Variants in KATNA1 observed in about 807,000 individuals in gnomAD.
KATNA1 encodes the protein katanin p60 ATPase-containing subunit A1.
In KATNA1, 42 loss-of-function variants were observed where a neutral mutation model predicts 62.6. The ratio of observed to expected loss-of-function variants is 0.67; its 90% CI spans 0.52 to 0.87. KATNA1 has a LOEUF of 0.87. Among genes scored for constraint, KATNA1 ranks in the 40% least tolerant of loss-of-function variants. KATNA1 has a pLI of 0.00. For missense variants in KATNA1, 498 were observed against 612.5 expected (o/e 0.81, Z 1.97); for synonymous variants, 186 against 201.9 (o/e 0.92, Z 0.67).
chr6:149,634,944 T>C (rs1365739157), intron 2 of KATNA1, among the ~76,000 whole-genome samples: 3 of 150,804 alleles, frequency 2.0e-5, no homozygotes, highest in African/African-American at 7.3e-5. Flanking sequence ...AAGCAGTCTT[T>C]TTTTTTTTTT....
At chr6:149,611,895 G>A (rs540910488) in intron 4 of KATNA1, among the ~76,000 whole-genome samples, 1 of 152,174 alleles carries the variant, frequency 6.6e-6, no homozygotes, top group East Asian at 1.9e-4. Context: ...GCTACTCAGG[G>A]AGGCTGAGGC....
At chr6:149,615,430 C>G (rs973072972) in intron 4 of KATNA1, among the ~76,000 whole-genome samples, 13 of 151,928 alleles carry the variant, frequency 8.6e-5, no homozygotes, top group African/African-American at 3.1e-4. Context: ...GTCTCGAACT[C>G]CTGAGCTCAG....
chr6:149,604,782 TC>T lies in KATNA1; in HGVS notation c.502-1del. 1.2e-6 allele frequency: 2 copies of T among 1,612,436 alleles called. No individual in the cohort carries two copies. Among genetic ancestry groups the T allele is most frequent in the Non-Finnish European group, 1.7e-6 (2 of 1,179,614 alleles). On this transcript the variant is annotated splice_acceptor_variant, in intron 4 of 10. Transcript: ENST00000367411. LOFTEE classifies it high-confidence loss of function. ...TCTGTTACTGCAGCAGGTGATTTGT[TC>T]TACATGAAGAGAAAAAAACAAGCGC...
chr6:149,632,884 A>G lies in KATNA1; in HGVS notation c.195T>C (p.His65=), dbSNP rs762213865. The G allele has an allele frequency of 1.1e-5, 18 of 1,608,396 alleles. No individual in the cohort carries two copies. In the Admixed American group the frequency reaches 2.8e-4, roughly 25 times the overall value. ...VWQEINVEAK[H]VKDIMKTLES... ...CTAGTGTTTTCATGATATCTTTAAC[A>G]TGTTTAGCTTCCACATTTATTTCCT... The change falls in exon 3 of 11, where the codon CAT becomes CAC. Residue 65 remains histidine, a synonymous_variant. Coordinates refer to ENST00000367411, the MANE Select transcript of KATNA1 (RefSeq NM_007044.4).
chr6:149,597,026 T>C, intron 10 of KATNA1, 37 bp downstream of exon 10: 1 of 1,605,570 alleles, frequency 6.2e-7, no homozygotes, highest in South Asian at 1.1e-5. Context: ...TAGAAGTTTA[T>C]GCTTACAAAA....
intron 2 of KATNA1, among the ~76,000 whole-genome samples, chr6:149,635,524 G>A (rs1013841727): frequency 4.0e-5 from 6 of 151,322 alleles, no homozygotes; most frequent in African/African-American, 1.5e-4. Context: ...TGGCCAACAT[G>A]GCAAAAACCC....
rs576340862 is a variant in KATNA1, at chr6:149,604,786, C to T, written c.502-4G>A. On this transcript the variant is annotated splice_polypyrimidine_tract_variant and splice_region_variant and intron_variant, in intron 4 of 10. Coordinates refer to ENST00000367411, the MANE Select transcript of KATNA1 (RefSeq NM_007044.4). ...TTACTGCAGCAGGTGATTTGTTCTA[C>T]ATGAAGAGAAAAAAACAAGCGCTTT... is the stretch of plus-strand genomic sequence containing the variant. 1.0e-5 allele frequency: 16 copies of T among 1,607,186 alleles called. No individual in the cohort carries two copies. The highest frequency in any genetic ancestry group is 8.1e-5 in the African/African-American group (6 of 74,302).
At chr6:149,605,809 C>T (rs1778715044) in intron 4 of KATNA1, among the ~76,000 whole-genome samples, 1 of 152,082 alleles carries the variant, frequency 6.6e-6, no homozygotes, top group Non-Finnish European at 1.5e-5. Flanking sequence ...CACTCTGTCG[C>T]CCAGGCTAGA....
At chr6:149,625,151 TA>T (rs1194957597) in intron 3 of KATNA1, among the ~76,000 whole-genome samples, 1 of 152,180 alleles carries the variant, frequency 6.6e-6, no homozygotes, top group Non-Finnish European at 1.5e-5. Flanking sequence ...GCTTAGCTTT[TA>T]GCTAACTGCC....
chr6:149,640,871 T>G (rs1386164148), intron 1 of KATNA1, among the ~76,000 whole-genome samples: 3 of 147,542 alleles, frequency 2.0e-5, no homozygotes, highest in East Asian at 4.1e-4. Flanking sequence ...TGTTGTTGTT[T>G]TTGTTTTTGT....
chr6:149,626,556 A>G (rs1161557011), intron 3 of KATNA1, among the ~76,000 whole-genome samples: 3 of 150,352 alleles, frequency 2.0e-5, no homozygotes, highest in African/African-American at 7.3e-5. Flanking sequence ...TGCTGGGATT[A>G]CAGGCGTGAG....
chr6:149,595,801 C>T (rs553381937), intron 10 of KATNA1, among the ~76,000 whole-genome samples: 9 of 152,306 alleles, frequency 5.9e-5, no homozygotes, highest in African/African-American at 1.2e-4. Context: ...CCTCAGAACC[C>T]TGTGTGGTAT....
In KATNA1 at chr6:149,594,933, A is replaced by T; in HGVS notation, c.*103T>A. ...ATAAGGGTTTTTTTAAAAAAATCTTACCATTATGAAAGTTAAAAAAAATAT... is the reference window on the plus strand; with the variant it reads ...ATAAGGGTTTTTTTAAAAAAATCTTTCCATTATGAAAGTTAAAAAAAATAT... On this transcript the variant is annotated 3_prime_UTR_variant, in exon 11 of 11. Transcript: ENST00000367411. The T allele has an allele frequency of 1.2e-6, 1 of 861,048 alleles. No homozygotes were observed. The highest frequency in any genetic ancestry group is 1.7e-6 in the Non-Finnish European group (1 of 576,256). 53.3% of individuals were successfully genotyped at this position (861,048 alleles called of 1,614,324 possible). A position where few individuals can be genotyped will look rare whatever the true frequency, so the allele number is the denominator to read the frequency against.
Position 149,603,211 on chromosome 6 carries a change from C to T in KATNA1, c.729+57G>A, listed in dbSNP as rs368278424. ...TTCCCAATATAGATAAATATTGGCT[C>T]TCTGTATCAACATGCTGCCATTTAC... On this transcript the variant is annotated intron_variant, in intron 6 of 10. Coordinates refer to ENST00000367411, the MANE Select transcript of KATNA1 (RefSeq NM_007044.4). 9 of 712,048 alleles carry T rather than the reference C, an allele frequency of 1.3e-5. No individual in the cohort carries two copies. The South Asian group carries it at 1.6e-4, about 13-fold the overall frequency. The allele number at this position is 712,048 out of a possible 1,614,324, so 44.1% of individuals were successfully genotyped here.
intron 1 of KATNA1, among the ~76,000 whole-genome samples, chr6:149,639,850 T>C (rs933452591): frequency 6.6e-5 from 10 of 152,220 alleles, no homozygotes; most frequent in African/African-American, 1.9e-4. Context: ...AGTAGACTGT[T>C]ATCTGACAGT....
chr6:149,597,395 G>A, intron 9 of KATNA1, 112 bp downstream of exon 9: 1 of 1,343,820 alleles, frequency 7.4e-7, no homozygotes, highest in Non-Finnish European at 1.0e-6. Context: ...TGTAAAGGAA[G>A]ATACTCCTCA....
chr6:149,638,730 G>GTTTTTTTTTTTTTTT (rs1217719467), intron 1 of KATNA1, 170 bp from the exon 2 acceptor site: 1 of 97,658 alleles, frequency 1.0e-5, no homozygotes. Flanking sequence ...AAAAAACATT[G>GTTTTTTTTTTTTTTT]TTTTTTTTTT....
At chr6:149,612,707 A>G (rs1779007295) in intron 4 of KATNA1, among the ~76,000 whole-genome samples, 2 of 152,188 alleles carry the variant, frequency 1.3e-5, no homozygotes, top group Non-Finnish European at 2.9e-5. Context: ...AAAATTGTTA[A>G]CAAAATATTA....
intron 3 of KATNA1, among the ~76,000 whole-genome samples, chr6:149,630,407 T>A (rs1303361527): frequency 6.6e-6 from 1 of 152,202 alleles, no homozygotes; most frequent in African/African-American, 2.4e-5. Flanking sequence ...GGCGAGTGGA[T>A]CACCTGAGGT....
Sources: allele counts gnomAD v4.1 joint callset (sites outside exome capture counted in the v4.1 genomes callset), GRCh38; gene constraint gnomAD v4.1.1; transcripts MANE v1.5; gene names NCBI Gene and HGNC (gene_info 2026-07-23, HGNC 2026-07-21).